Variants in FBN1 observed in about 807,000 individuals in gnomAD.
The protein encoded by FBN1 is fibrillin 1, also known as fibrillin-1.
A neutral mutation model predicts 365.1 loss-of-function variants in FBN1; 29 were observed. The ratio of observed to expected loss-of-function variants is 0.08; its 90% CI spans 0.06 to 0.11. The LOEUF is 0.11. Ranked by LOEUF, FBN1 falls within the 10% of genes least tolerant of loss-of-function variation. FBN1 has a pLI of 1.00. For missense variants in FBN1, 2,476 were observed against 3,703.2 expected, an observed-to-expected ratio of 0.67 and a Z score of 8.60; for synonymous variants, 1,210 against 1,270.5, an observed-to-expected ratio of 0.95 and a Z score of 1.01.
intron 14 of FBN1, among the ~76,000 whole-genome samples, chr15:48,509,589 A>G (rs936235533): frequency 4.7e-5 from 7 of 147,746 alleles, no homozygotes; most frequent in Non-Finnish European, 1.0e-4. Flanking sequence ...CATATTACAT[A>G]TATAGAAAAT....
At chr15:48,607,478 G>A (rs1243525886) in intron 4 of FBN1, among the ~76,000 whole-genome samples, 1 of 150,816 alleles carries the variant, frequency 6.6e-6, no homozygotes, top group Non-Finnish European at 1.5e-5. Context: ...CTTTGGGGAG[G>A]TGATTAAGTT....
Position 48,448,865 on chromosome 15 carries a change from A to T in FBN1, c.5574T>A (p.Asn1858Lys). The change falls in exon 46 of 66, where the codon AAT becomes AAA. Residue 1858 changes from asparagine to lysine, a missense_variant. Asn to Lys is a moderately conservative substitution (Grantham distance 94). This residue lies in a region of FBN1 where 1,780 missense variants were observed against 2,840.8 expected (regional missense o/e 0.63). Coordinates refer to ENST00000316623, the MANE Select transcript of FBN1 (RefSeq NM_000138.5). Reference sequence around the variant, plus strand: ...CAATGCACTGCCCATGACTGCATATATTGGGGATTTCTTGACATTCATTAC... The same window carrying T: ...CAATGCACTGCCCATGACTGCATATTTTGGGGATTTCTTGACATTCATTAC... ...NDRNECQEIPNICSHGQCIDT... is the reference protein window; with the variant it reads ...NDRNECQEIPKICSHGQCIDT... 6.2e-7 allele frequency: 1 copy of T among 1,612,354 alleles called. No individual in the cohort carries two copies. The highest frequency in any genetic ancestry group is 1.7e-5 in the Admixed American group (1 of 59,958).
intron 6 of FBN1, among the ~76,000 whole-genome samples, chr15:48,578,018 C>T (rs934337052): frequency 4.6e-5 from 7 of 151,964 alleles, no homozygotes; most frequent in African/African-American, 1.7e-4. Context: ...TTTATACAAA[C>T]CAACCATCGT....
At chr15:48,421,525 A>AC in intron 62 of FBN1, 33 bp downstream of exon 62, 1 of 1,607,444 alleles carries the variant, frequency 6.2e-7, no homozygotes, top group Non-Finnish European at 8.5e-7. Context: ...ACAAGGATTC[A>AC]CCAGCTGGAT....
intron 19 of FBN1, 50 bp from the exon 20 acceptor site, chr15:48,496,275 G>T (rs1200376244): frequency 2.5e-6 from 4 of 1,611,192 alleles, no homozygotes; most frequent in Non-Finnish European, 3.4e-6. Context: ...AACTTTGCCT[G>T]TATCTACTTT....
chr15:48,530,245 A>G (rs1394680237), intron 8 of FBN1, among the ~76,000 whole-genome samples: 1 of 142,752 alleles, frequency 7.0e-6, no homozygotes, highest in Non-Finnish European at 1.5e-5. Context: ...CCTGATCACA[A>G]CTTGAAAATG....
intron 6 of FBN1, among the ~76,000 whole-genome samples, chr15:48,550,829 A>T (rs1020013973): frequency 1.3e-5 from 2 of 152,106 alleles, no homozygotes; most frequent in Non-Finnish European, 1.5e-5. Flanking sequence ...ACCAAACTCC[A>T]TGGTAAACTC....
At chr15:48,545,180 T>A (rs2044085338) in intron 6 of FBN1, among the ~76,000 whole-genome samples, 1 of 152,166 alleles carries the variant, frequency 6.6e-6, no homozygotes, top group South Asian at 2.1e-4. Flanking sequence ...AAAACAAGAT[T>A]AGTAGCCCAA....
chr15:48,567,823 G>GGTAC (rs2044268595), intron 6 of FBN1, among the ~76,000 whole-genome samples: 1 of 152,054 alleles, frequency 6.6e-6, no homozygotes, highest in South Asian at 2.1e-4. Context: ...ACCTGTTGAA[G>GGTAC]GGTACCTACG....
intron 48 of FBN1, 133 bp from the exon 49 acceptor site, chr15:48,444,793 G>A (rs767954121): frequency 1.0e-4 from 98 of 967,200 alleles, no homozygotes; most frequent in Non-Finnish European, 1.5e-4. Flanking sequence ...ATTCCACCAT[G>A]GAGAAAAATA....
intron 6 of FBN1, among the ~76,000 whole-genome samples, chr15:48,576,902 G>C (rs563357210): frequency 1.3e-5 from 2 of 152,234 alleles, no homozygotes; most frequent in South Asian, 4.1e-4. Context: ...TGGAGGAGGG[G>C]TCTCTGTGAA....
intron 2 of FBN1, among the ~76,000 whole-genome samples, chr15:48,634,232 T>G (rs903155893): frequency 6.6e-6 from 1 of 152,222 alleles, no homozygotes; most frequent in African/African-American, 2.4e-5. Context: ...CATCAAACTT[T>G]ACATAGTACC....
intron 36 of FBN1, among the ~76,000 whole-genome samples, chr15:48,469,878 A>G (rs770940220): frequency 6.6e-6 from 1 of 152,072 alleles, no homozygotes; most frequent in African/African-American, 2.4e-5. Context: ...CTCCATCCAG[A>G]GCATTTGCAG....
At position 48,445,523 on chromosome 15, in the gene FBN1, C is replaced by G. The variant is rs1449017033; in HGVS notation, c.5789-19G>C. On this transcript the variant is annotated intron_variant, in intron 47 of 65. Transcript: ENST00000316623. Reference sequence around the variant, plus strand: ...TCAACATCTGCAGAAAAATCCCCAACAATCCTTTAATATATTCCAAAGATG... The same window carrying G: ...TCAACATCTGCAGAAAAATCCCCAAGAATCCTTTAATATATTCCAAAGATG... 1.2e-6 allele frequency: 2 copies of G among 1,610,542 alleles called. No individual in the cohort carries two copies. Among genetic ancestry groups the G allele is most frequent in the South Asian group, 1.1e-5 (1 of 91,014 alleles).
At position 48,636,299 on chromosome 15, in the gene FBN1, G is replaced by T. The variant is rs561858495; in HGVS notation, c.164+8307C>A. 2.6e-4 allele frequency among the ~76,000 whole-genome samples: 40 copies of T among 152,246 alleles called. No homozygotes were observed. In the South Asian group the frequency reaches 7.7e-3, roughly 29 times the overall value. On this transcript the variant is annotated intron_variant, in intron 2 of 65. Transcript: ENST00000316623. ...ATGTAGAGAGGCCACGTATAGAAAGGGGACAACCTGAGACTATATAAAGGA... is the reference window on the plus strand; with the variant it reads ...ATGTAGAGAGGCCACGTATAGAAAGTGGACAACCTGAGACTATATAAAGGA...
chr15:48,447,524 C>T (rs142009479), intron 46 of FBN1, among the ~76,000 whole-genome samples: 1 of 152,014 alleles, frequency 6.6e-6, no homozygotes, highest in African/African-American at 2.4e-5. Context: ...GTCTTTGCAT[C>T]TCATCACAGC....
At position 48,487,347 on chromosome 15, in the gene FBN1, C is replaced by T. The variant is rs1163486953; in HGVS notation, c.3428G>A (p.Gly1143Asp). 3 of 1,614,238 alleles carry T rather than the reference C, an allele frequency of 1.9e-6. No homozygotes were observed. The highest frequency in any genetic ancestry group is 2.5e-6 in the Non-Finnish European group (3 of 1,180,042). Residue 1143 changes from glycine to aspartate, a missense_variant, in exon 28 of 66, where the codon GGC becomes GAC. Transcript: ENST00000316623. ...GGAGATGTTGGGGGACAGCTGATGG[C>T]CAGGCGGGCATTCACAGCGGTAACT... The part of the protein sequence containing the change: ...EGSYRCECPP[G>D]HQLSPNISAC...
At position 48,490,004 on chromosome 15, in the gene FBN1, T is replaced by C. The variant is rs776833421; in HGVS notation, c.2929A>G (p.Met977Val). The change falls in exon 25 of 66, where the codon ATG becomes GTG. Residue 977 changes from methionine to valine, a missense_variant. Physicochemically the swap from Met to Val is conservative, Grantham distance 21 (BLOSUM62 1). This residue lies in a region of FBN1 where 1,780 missense variants were observed against 2,840.8 expected (regional missense o/e 0.63). Transcript: ENST00000316623. The part of the protein sequence containing the change: ...CTLPIAGRHR[M>V]DACCCSVGAA... ...CCGACGGAGCAGCAGCAGGCGTCCATGCGGTGGCGGCCAGCAATAGGCAGG... is the reference window on the plus strand; with the variant it reads ...CCGACGGAGCAGCAGCAGGCGTCCACGCGGTGGCGGCCAGCAATAGGCAGG... 3.7e-6 allele frequency: 6 copies of C among 1,614,154 alleles called. No homozygotes were observed. Among genetic ancestry groups the C allele is most frequent in the Admixed American group, 1.7e-5 (1 of 60,030 alleles).
chr15:48,529,185 G>C (rs1424025493), intron 8 of FBN1: 1 of 152,320 alleles, frequency 6.6e-6, no homozygotes, highest in East Asian at 1.9e-4. Context: ...GCTGGGAAGA[G>C]CTATTTCCGT....
Sources: gnomAD v4.1 joint callset for allele counts (sites outside exome capture counted in the v4.1 genomes callset) on GRCh38, gnomAD v4.1.1 for gene constraint, gnomAD v4.1.1 regional missense constraint, MANE v1.5 for transcripts, NCBI Gene and HGNC (gene_info 2026-07-23, HGNC 2026-07-21) for gene names.